Variants in GALNTL6 observed in about 807,000 individuals in gnomAD.
The protein encoded by GALNTL6 is polypeptide N-acetylgalactosaminyltransferase-like 6.
GALNTL6 carries 46 observed loss-of-function variants against 73.7 expected under a neutral mutation model. The observed-to-expected ratio is 0.62, with a 90% CI of 0.49 to 0.80. The LOEUF is 0.80. Ranked by LOEUF, GALNTL6 falls within the 30% of genes least tolerant of loss-of-function variation. GALNTL6 has a pLI of 0.00. For synonymous variants in GALNTL6, 259 were observed against 263.7 expected (o/e 0.98, Z 0.17); for missense variants, 604 against 755.0 (o/e 0.80, Z 2.34).
At chr4:171,867,523 CTT>C (rs1736001670) in intron 2 of GALNTL6, among the ~76,000 whole-genome samples, 1 of 152,222 alleles carries the variant, frequency 6.6e-6, no homozygotes, top group Non-Finnish European at 1.5e-5. Context: ...AAATTTACCA[CTT>C]GTTTCCATCC....
At chr4:172,450,880 G>T (rs1315424506) in intron 5 of GALNTL6, among the ~76,000 whole-genome samples, 2 of 152,180 alleles carry the variant, frequency 1.3e-5, no homozygotes, top group African/African-American at 4.8e-5. Context: ...ATTCTCTCAT[G>T]TTAACCTATT....
chr4:172,855,406 ATTAAT>A (rs1744074213), intron 7 of GALNTL6, among the ~76,000 whole-genome samples: 2 of 152,218 alleles, frequency 1.3e-5, no homozygotes, highest in South Asian at 4.1e-4. Flanking sequence ...ATGAAACTCA[ATTAAT>A]TTAAGTTTAA....
At chr4:171,958,129 C>T (rs1053403505) in intron 2 of GALNTL6, among the ~76,000 whole-genome samples, 1 of 152,110 alleles carries the variant, frequency 6.6e-6, no homozygotes, top group South Asian at 2.1e-4. Flanking sequence ...CACTGCTTTA[C>T]CTCTTCCTAG....
At chr4:172,583,235 C>T (rs1737264378) in intron 5 of GALNTL6, among the ~76,000 whole-genome samples, 1 of 152,100 alleles carries the variant, frequency 6.6e-6, no homozygotes, top group South Asian at 2.1e-4. Context: ...AAGAAGTACC[C>T]AAGTTAAAGT....
chr4:172,240,403 T>G (rs1280732247), intron 3 of GALNTL6, among the ~76,000 whole-genome samples: 2 of 151,434 alleles, frequency 1.3e-5, no homozygotes, highest in Non-Finnish European at 2.9e-5. Flanking sequence ...TTTTTTTTTT[T>G]GTATTTTTTA....
rs527711102 is a variant in GALNTL6 at position 172,293,857 on chromosome 4, TTTTA to T, written c.248-17741_248-17738del. Among the ~76,000 whole-genome samples the T allele has an allele frequency of 1.9e-3, 290 of 151,406 alleles. 1 individual carries two copies. Among genetic ancestry groups the T allele is most frequent in the African/African-American group, 6.6e-3 (274 of 41,444 alleles). ...ACTTTTTTTTTAAATTGAAAATATT[TTTTA>T]TTTATTTATTTATTTGTTTTTATTA... On this transcript the variant is annotated intron_variant, in intron 3 of 12. Coordinates refer to ENST00000506823, the MANE Select transcript of GALNTL6 (RefSeq NM_001034845.3).
intron 5 of GALNTL6, among the ~76,000 whole-genome samples, chr4:172,380,937 G>C (rs1475067094): frequency 6.6e-6 from 1 of 152,124 alleles, no homozygotes; most frequent in Non-Finnish European, 1.5e-5. Context: ...TTTTATAACA[G>C]TTAAATTAAA....
intron 2 of GALNTL6, among the ~76,000 whole-genome samples, chr4:172,011,167 AG>A (rs761559818): frequency 1.3e-5 from 2 of 152,126 alleles, no homozygotes; most frequent in African/African-American, 2.4e-5. Flanking sequence ...ATTCCGTCAT[AG>A]AGGAACTGAG....
rs1222626705 is a variant in GALNTL6 at position 172,641,013 on chromosome 4, CA to C, written c.554-168342del. ...TTTACCATCCTTTCGTGATCCTGGT[CA>C]AAAAACCTTAGAATCCTCCTTGACC... On this transcript the variant is annotated intron_variant, in intron 5 of 12. Coordinates refer to ENST00000506823, the MANE Select transcript of GALNTL6 (RefSeq NM_001034845.3). Among the ~76,000 whole-genome samples, 3 of 152,002 alleles carry C rather than the reference CA, an allele frequency of 2.0e-5. No homozygotes were observed. The East Asian group carries it at 5.8e-4, about 29-fold the overall frequency.
intron 5 of GALNTL6, among the ~76,000 whole-genome samples, chr4:172,647,114 C>T (rs1407798481): frequency 6.6e-6 from 1 of 152,022 alleles, no homozygotes; most frequent in Non-Finnish European, 1.5e-5. Context: ...ATTCACCACA[C>T]AAGATGTCCT....
At chr4:172,025,983 C>T (rs2110810545) in intron 2 of GALNTL6, among the ~76,000 whole-genome samples, 1 of 151,930 alleles carries the variant, frequency 6.6e-6, no homozygotes, top group African/African-American at 2.4e-5. Context: ...TTTTCAGAGT[C>T]AAACAGAATG....
chr4:172,787,507 A>G (rs12501554), intron 5 of GALNTL6, among the ~76,000 whole-genome samples: 80,079 of 152,080 alleles, frequency 0.53, 21,802 homozygotes, highest in East Asian at 0.78. Context: ...GCCTGGAATA[A>G]ACCATCCCAA....
chr4:172,246,715 A>G (rs1737673519), intron 3 of GALNTL6, among the ~76,000 whole-genome samples: 1 of 151,210 alleles, frequency 6.6e-6, no homozygotes, highest in Non-Finnish European at 1.5e-5. Context: ...TATGAGGCGT[A>G]AATGGTCAAA....
intron 2 of GALNTL6, among the ~76,000 whole-genome samples, chr4:172,032,539 T>C (rs1672532669): frequency 6.6e-6 from 1 of 152,214 alleles, no homozygotes; most frequent in East Asian, 1.9e-4. Context: ...TTCTTATCTA[T>C]GTTTCTGCAC....
In GALNTL6 at chr4:171,902,247, A is replaced by G. The variant is rs550244544; in HGVS notation, c.138+87529A>G. On this transcript the variant is annotated intron_variant, in intron 2 of 12. Coordinates refer to ENST00000506823, the MANE Select transcript of GALNTL6 (RefSeq NM_001034845.3). ...TGATAAACAAAGTGATAAATCTTCCATATTCAGGAGGTTGTAAAAAAAGAG... is the reference window on the plus strand; with the variant it reads ...TGATAAACAAAGTGATAAATCTTCCGTATTCAGGAGGTTGTAAAAAAAGAG... 1.4e-4 allele frequency among the ~76,000 whole-genome samples: 22 copies of G among 152,320 alleles called. No individual in the cohort carries two copies. In the South Asian group the frequency reaches 4.6e-3, roughly 32 times the overall value.
Position 172,691,514 on chromosome 4 carries a change from T to C in GALNTL6, c.554-117847T>C, listed in dbSNP as rs1037489190. On this transcript the variant is annotated intron_variant, in intron 5 of 12. Transcript: ENST00000506823. ...TCTTTAGGAGTACCATAAATAATGT[T>C]ACCTTAATAGCACATGGCTCTTCTA... is the stretch of plus-strand genomic sequence containing the variant. Among the ~76,000 whole-genome samples the C allele has an allele frequency of 2.6e-5, 4 of 152,202 alleles. No individual in the cohort carries two copies. The East Asian group carries it at 7.7e-4, about 29-fold the overall frequency.
chr4:172,180,196 A>C (rs1294726760), intron 2 of GALNTL6, among the ~76,000 whole-genome samples: 1 of 152,246 alleles, frequency 6.6e-6, no homozygotes, highest in South Asian at 2.1e-4. Context: ...CTAATGACCA[A>C]TGATGATGAG....
At chr4:172,064,665 AT>A (rs1383890538) in intron 2 of GALNTL6, among the ~76,000 whole-genome samples, 1 of 152,130 alleles carries the variant, frequency 6.6e-6, no homozygotes, top group East Asian at 1.9e-4. Context: ...CCTCCTTGTC[AT>A]TCAGTTTGGG....
intron 5 of GALNTL6, among the ~76,000 whole-genome samples, chr4:172,426,397 C>T (rs145286378): frequency 1.0e-3 from 153 of 152,164 alleles, no homozygotes; most frequent in African/African-American, 3.3e-3. Context: ...TGGCCAAGAA[C>T]ATTTAACAAT....
Sources: gnomAD v4.1 joint callset for allele counts (sites outside exome capture counted in the v4.1 genomes callset) on GRCh38, gnomAD v4.1.1 for gene constraint, MANE v1.5 for transcripts, NCBI Gene and HGNC (gene_info 2026-07-23, HGNC 2026-07-21) for gene names.